The following GPR39 variants were observed in gnomAD, a reference collection of about 807,000 sequenced individuals.
GPR39 encodes the protein zinc sensing receptor.
A neutral mutation model predicts 18.4 loss-of-function variants in GPR39; 23 were observed. That is an observed-to-expected ratio of 1.25 (90% CI 0.90 to 1.77). The LOEUF is 1.77. Among genes scored for constraint, GPR39 ranks in the 40% most tolerant of loss-of-function variants. GPR39 has a pLI of 0.00. For missense variants in GPR39, 647 were observed against 602.4 expected, an observed-to-expected ratio of 1.07 and a Z score of -0.78; for synonymous variants, 280 against 257.9, an observed-to-expected ratio of 1.09 and a Z score of -0.82.
At chr2:132,495,392 G>A (rs144585420) in intron 1 of GPR39, among the ~76,000 whole-genome samples, 124 of 152,216 alleles carry the variant, frequency 8.1e-4, no homozygotes, top group African/African-American at 2.8e-3. Flanking sequence ...TGTTGAGGTC[G>A]CTTTGTAGAT....
At chr2:132,598,453 A>G (rs1181839181) in intron 1 of GPR39, among the ~76,000 whole-genome samples, 1 of 43,868 alleles carries the variant, frequency 2.3e-5, no homozygotes, top group Non-Finnish European at 4.4e-5. Context: ...TTTTTTTTTT[A>G]AGCAATGGGG....
At chr2:132,576,498 TAA>T (rs1680528918) in intron 1 of GPR39, among the ~76,000 whole-genome samples, 1 of 151,892 alleles carries the variant, frequency 6.6e-6, no homozygotes, top group South Asian at 2.1e-4. Context: ...ACTAAAAATA[TAA>T]AAATTAGCCA....
At chr2:132,510,259 A>G (rs961567353) in intron 1 of GPR39, among the ~76,000 whole-genome samples, 1 of 152,168 alleles carries the variant, frequency 6.6e-6, no homozygotes, top group African/African-American at 2.4e-5. Context: ...ACACTCACAT[A>G]CAAGACATGA....
intron 1 of GPR39, among the ~76,000 whole-genome samples, chr2:132,443,492 G>A (rs1680475838): frequency 1.3e-5 from 2 of 152,130 alleles, no homozygotes; most frequent in South Asian, 2.1e-4. Context: ...TAGAAAATAG[G>A]CTTTGTGTTA....
At position 132,570,913 on chromosome 2, in the gene GPR39, G is replaced by A. The variant is rs559669021; in HGVS notation, c.857-74188G>A. On this transcript the variant is annotated intron_variant, in intron 1 of 1. Transcript: ENST00000329321. ...CTTAACTCTTTCAATAGCCTTGAAA[G>A]GGTGGGGCCTATTGCTTTCCCAGGG... Among the ~76,000 whole-genome samples, 3 of 152,304 alleles carry A rather than the reference G, an allele frequency of 2.0e-5. No individual in the cohort carries two copies. In the East Asian group the frequency reaches 5.8e-4, roughly 29 times the overall value.
At chr2:132,629,920 G>A (rs1401700590) in intron 1 of GPR39, among the ~76,000 whole-genome samples, 1 of 152,174 alleles carries the variant, frequency 6.6e-6, no homozygotes, top group African/African-American at 2.4e-5. Context: ...TCAGGCTGCT[G>A]TCCACTCATT....
intron 1 of GPR39, among the ~76,000 whole-genome samples, chr2:132,427,469 C>T (rs1012053934): frequency 2.0e-5 from 3 of 150,630 alleles, no homozygotes; most frequent in Admixed American, 6.6e-5. Flanking sequence ...CCTGACTTTA[C>T]ATATTCTATT....
intron 1 of GPR39, among the ~76,000 whole-genome samples, chr2:132,618,618 A>G (rs10172716): frequency 0.98 from 149,869 of 152,258 alleles, 73,767 homozygotes; most frequent in East Asian, 1. Context: ...GGAAGGATGA[A>G]GGGCTGGGCT....
At chr2:132,520,431 G>A (rs572430650) in intron 1 of GPR39, among the ~76,000 whole-genome samples, 2 of 152,336 alleles carry the variant, frequency 1.3e-5, no homozygotes, top group South Asian at 2.1e-4. Flanking sequence ...GGACTGGCCA[G>A]ACCCATGATG....
chr2:132,620,598 G>A (rs1681424823), intron 1 of GPR39, among the ~76,000 whole-genome samples: 1 of 152,174 alleles, frequency 6.6e-6, no homozygotes, highest in Non-Finnish European at 1.5e-5. Flanking sequence ...GGCATGAGGA[G>A]TCCTGTGTCT....
chr2:132,474,002 C>G (rs1416519929), intron 1 of GPR39, among the ~76,000 whole-genome samples: 1 of 152,132 alleles, frequency 6.6e-6, no homozygotes, highest in Non-Finnish European at 1.5e-5. Context: ...GGGAAATAAT[C>G]CAGTGTGGGT....
At chr2:132,534,273 T>G (rs1679699939) in intron 1 of GPR39, among the ~76,000 whole-genome samples, 1 of 151,344 alleles carries the variant, frequency 6.6e-6, no homozygotes, top group East Asian at 2.0e-4. Context: ...GAAATGCAAA[T>G]CAAAACCACT....
chr2:132,600,698 AG>A lies in GPR39; in HGVS notation c.857-44402del. ...CTGAACAGACCAACAATGAGTAACA[AG>A]ATTGACTCAGTAATAAAAAGTCTCC... On this transcript the variant is annotated intron_variant, in intron 1 of 1. Transcript: ENST00000329321. Among the ~76,000 whole-genome samples the A allele has an allele frequency of 3.3e-5, 5 of 152,312 alleles. No individual in the cohort carries two copies. The South Asian group carries it at 1.0e-3, about 32-fold the overall frequency.
intron 1 of GPR39, among the ~76,000 whole-genome samples, chr2:132,584,366 G>A (rs1182052496): frequency 1.3e-5 from 2 of 152,188 alleles, no homozygotes; most frequent in South Asian, 2.1e-4. Context: ...TTAGACAGAT[G>A]AGTGAACACC....
intron 1 of GPR39, among the ~76,000 whole-genome samples, chr2:132,612,347 T>G (rs1188379278): frequency 6.6e-6 from 1 of 151,886 alleles, no homozygotes; most frequent in Non-Finnish European, 1.5e-5. Context: ...TTTTGTGACA[T>G]GAAAGGTGCA....
intron 1 of GPR39, among the ~76,000 whole-genome samples, chr2:132,579,697 C>A (rs1680591775): frequency 6.6e-6 from 1 of 151,856 alleles, no homozygotes; most frequent in Admixed American, 6.6e-5. Context: ...AGTTTTTATT[C>A]TATTTCTTAT....
chr2:132,632,522 C>A (rs879538151), intron 1 of GPR39, among the ~76,000 whole-genome samples: 1 of 152,174 alleles, frequency 6.6e-6, no homozygotes, highest in Non-Finnish European at 1.5e-5. Flanking sequence ...CTGAGGTATG[C>A]TTTCCAGACA....
intron 1 of GPR39, among the ~76,000 whole-genome samples, chr2:132,455,835 G>A (rs1680712116): frequency 6.6e-6 from 1 of 152,090 alleles, no homozygotes; most frequent in South Asian, 2.1e-4. Context: ...ATTGCACTGG[G>A]GTCTGAGACA....
At chr2:132,585,696 G>C (rs892473072) in intron 1 of GPR39, among the ~76,000 whole-genome samples, 2 of 152,048 alleles carry the variant, frequency 1.3e-5, no homozygotes, top group Non-Finnish European at 2.9e-5. Context: ...GACGGGCAAG[G>C]GGGGCGCAGT....
Sources: gnomAD v4.1 joint callset for allele counts (sites outside exome capture counted in the v4.1 genomes callset) on GRCh38, gnomAD v4.1.1 for gene constraint, MANE v1.5 for transcripts, NCBI Gene and HGNC (gene_info 2026-07-23, HGNC 2026-07-21) for gene names.